Variants in FGFR1OP2 observed in about 807,000 individuals in gnomAD.
The protein encoded by FGFR1OP2 is fibroblast growth factor receptor 1 oncogene partner 2.
A neutral mutation model predicts 35.2 loss-of-function variants in FGFR1OP2; 17 were observed. The ratio of observed to expected loss-of-function variants is 0.48; its 90% confidence interval spans 0.33 to 0.73. FGFR1OP2 has a LOEUF of 0.73. Ranked by LOEUF, FGFR1OP2 falls within the 30% of genes least tolerant of loss-of-function variation. The pLI, the probability that FGFR1OP2 is intolerant of heterozygous loss-of-function variation, is 0.02. For missense variants in FGFR1OP2, 251 were observed against 307.3 expected (o/e 0.82, Z 1.37); for synonymous variants, 105 against 104.6 (o/e 1.00, Z -0.03).
intron 1 of FGFR1OP2, among the ~76,000 whole-genome samples, chr12:26,941,395 T>G (rs1030697198): frequency 1.3e-5 from 2 of 152,216 alleles, no homozygotes; most frequent in Admixed American, 1.3e-4. Context: ...TTTTAAACTT[T>G]TGTGTGTGTG....
chr12:26,953,018 T>A (rs1344438896), intron 1 of FGFR1OP2, among the ~76,000 whole-genome samples: 1 of 152,068 alleles, frequency 6.6e-6, no homozygotes, highest in Non-Finnish European at 1.5e-5. Flanking sequence ...ATCCCAGCGC[T>A]TTGGGAGGCC....
At chr12:26,951,349 A>G (rs1938926049) in intron 1 of FGFR1OP2, among the ~76,000 whole-genome samples, 1 of 151,120 alleles carries the variant, frequency 6.6e-6, no homozygotes, top group South Asian at 2.1e-4. Context: ...AGTTATTGAG[A>G]CAGCCTGTTG....
intron 1 of FGFR1OP2, among the ~76,000 whole-genome samples, chr12:26,946,877 T>C (rs923933417): frequency 6.6e-5 from 10 of 152,228 alleles, no homozygotes; most frequent in African/African-American, 2.2e-4. Flanking sequence ...TAATCTACTT[T>C]CAGCCTCTGT....
rs1332487966 is a variant in FGFR1OP2, at chr12:26,960,591, A to G, written c.473A>G (p.His158Arg). ...CGACACATCCTTGAAGCACCTCAAC[A>G]TGGACTGGAGAGAAGGCACTTGGAA... ...ASRHILEAPQ[H>R]GLERRHLEAN... Residue 158 changes from histidine to arginine, a missense_variant, in exon 5 of 7, where the codon CAT becomes CGT. Transcript: ENST00000229395. 1.2e-6 allele frequency: 2 copies of G among 1,613,506 alleles called. No homozygotes were observed. The highest frequency in any genetic ancestry group is 1.7e-5 in the Admixed American group (1 of 59,994).
chr12:26,956,777 A>G, intron 3 of FGFR1OP2, 117 bp downstream of exon 3: 1 of 450,356 alleles, frequency 2.2e-6, no homozygotes, highest in Non-Finnish European at 4.0e-6. Context: ...ATCCTCTTAG[A>G]TTCTCACCCT....
intron 1 of FGFR1OP2, among the ~76,000 whole-genome samples, chr12:26,945,599 G>T (rs1024043017): frequency 2.6e-5 from 4 of 152,220 alleles, no homozygotes; most frequent in Non-Finnish European, 5.9e-5. Flanking sequence ...GGTGGCTCAC[G>T]CCTGTAATAC....
Position 26,965,743 on chromosome 12 carries a change from A to AT in FGFR1OP2, c.*1015dup, listed in dbSNP as rs2136363715. 1 of 151,814 alleles carries AT rather than the reference A, an allele frequency of 6.6e-6. No homozygotes were observed. The highest frequency in any genetic ancestry group is 2.4e-5 in the African/African-American group (1 of 41,434). The allele number at this position is 151,814 out of a possible 1,614,324, so 9.4% of individuals were successfully genotyped here. The stretch of plus-strand genomic sequence containing the variant: ...CCATCTGGTCCTCATAACCTGCAAG[A>AT]TTTTTCTTAAAACCTTTCAGCTGAA... On this transcript the variant is annotated 3_prime_UTR_variant, in exon 7 of 7. Transcript: ENST00000229395.
At chr12:26,950,210 G>GTTGTTTTT (rs1938898342) in intron 1 of FGFR1OP2, among the ~76,000 whole-genome samples, 2 of 29,744 alleles carry the variant, frequency 6.7e-5, no homozygotes, top group African/African-American at 3.6e-4. Flanking sequence ...TAATGTATTC[G>GTTGTTTTT]TTGTTTTTTT....
At chr12:26,944,565 C>G (rs1031981002) in intron 1 of FGFR1OP2, among the ~76,000 whole-genome samples, 1 of 152,034 alleles carries the variant, frequency 6.6e-6, no homozygotes, top group African/African-American at 2.4e-5. Flanking sequence ...GGATAAACTC[C>G]CATTGGTCAG....
At chr12:26,960,016 A>T (rs537959740) in intron 4 of FGFR1OP2, among the ~76,000 whole-genome samples, 90 of 152,186 alleles carry the variant, frequency 5.9e-4, no homozygotes, top group Admixed American at 2.4e-3. Flanking sequence ...GGTAACAAGG[A>T]AGGGAAGAAA....
chr12:26,945,876 A>AAAAGC (rs1828362661), intron 1 of FGFR1OP2, among the ~76,000 whole-genome samples: 1 of 152,114 alleles, frequency 6.6e-6, no homozygotes, highest in African/African-American at 2.4e-5. Flanking sequence ...AAAAAAAAAA[A>AAAAGC]AAAGCATAAT....
intron 2 of FGFR1OP2, among the ~76,000 whole-genome samples, chr12:26,955,150 C>G (rs1424016984): frequency 6.6e-6 from 1 of 152,132 alleles, no homozygotes; most frequent in Non-Finnish European, 1.5e-5. Context: ...GAACATATAT[C>G]TGGTATTGAG....
chr12:26,957,609 A>G lies in FGFR1OP2; in HGVS notation c.262A>G (p.Thr88Ala), dbSNP rs1319245334. ...AATATTATTCTTGATAGAATTACGT[A>G]CATCTCTGGAAGAACATCAGTCGGC... ...ELQQENKELRTSLEEHQSALE... is the reference protein window; with the variant it reads ...ELQQENKELRASLEEHQSALE... The change falls in exon 4 of 7, where the codon ACA becomes GCA. Residue 88 changes from threonine to alanine, a missense_variant. Physicochemically the swap from Thr to Ala is moderately conservative, Grantham distance 58. Coordinates refer to ENST00000229395, the MANE Select transcript of FGFR1OP2 (RefSeq NM_015633.3). 4 of 1,611,774 alleles carry G rather than the reference A, an allele frequency of 2.5e-6. No homozygotes were observed. In the East Asian group the frequency reaches 8.9e-5, roughly 36 times the overall value.
chr12:26,948,842 G>A (rs967544299), intron 1 of FGFR1OP2, among the ~76,000 whole-genome samples: 1 of 152,052 alleles, frequency 6.6e-6, no homozygotes, highest in African/African-American at 2.4e-5. Context: ...TTCGGTAGGG[G>A]ACTCTTCTAA....
At chr12:26,954,785 T>G (rs530383895) in intron 2 of FGFR1OP2, among the ~76,000 whole-genome samples, 1 of 152,334 alleles carries the variant, frequency 6.6e-6, no homozygotes, top group African/African-American at 2.4e-5. Flanking sequence ...TGCTACCAAT[T>G]AAAGAATACA....
At chr12:26,964,094 C>A (rs183176427) in intron 6 of FGFR1OP2, among the ~76,000 whole-genome samples, 32 of 152,180 alleles carry the variant, frequency 2.1e-4, no homozygotes, top group African/African-American at 7.5e-4. Flanking sequence ...AGTTATTTAC[C>A]AGTGCCAGAT....
chr12:26,960,627 A>G lies in FGFR1OP2; in HGVS notation c.509A>G (p.Asn170Ser). The change falls in exon 5 of 7, where the codon AAT (asparagine) becomes AGT (serine). Residue 170 changes from asparagine to serine, a missense_variant and splice_region_variant. Asn to Ser is a conservative substitution (Grantham distance 46). Transcript: ENST00000229395. The part of the protein sequence containing the change: ...LERRHLEANQ[N>S]ELQAHVDQIT... ...AGAAGGCACTTGGAAGCAAATCAGA[A>G]TGTACACTAAATAAACAGTCAACTT... 1.2e-6 allele frequency: 2 copies of G among 1,612,352 alleles called. No individual in the cohort carries two copies. Among genetic ancestry groups the G allele is most frequent in the South Asian group, 2.2e-5 (2 of 91,044 alleles).
At chr12:26,958,448 C>G (rs1017757974) in intron 4 of FGFR1OP2, among the ~76,000 whole-genome samples, 1 of 151,930 alleles carries the variant, frequency 6.6e-6, no homozygotes, top group Non-Finnish European at 1.5e-5. Flanking sequence ...TAATGGAAAC[C>G]TTTTTTAAAA....
rs1939155037 is a variant in FGFR1OP2 at position 26,964,948 on chromosome 12, A to AACC, written c.*216_*217insCCA. On this transcript the variant is annotated 3_prime_UTR_variant, in exon 7 of 7. Transcript: ENST00000229395. ...GAAACTGAGCCATTGCCAAATGGTA[A>AACC]AGAAATGAAAAGTTTTCACAGTGAC... 2 of 444,164 alleles carry AACC rather than the reference A, an allele frequency of 4.5e-6. No individual in the cohort carries two copies. Among genetic ancestry groups the AACC allele is most frequent in the Admixed American group, 7.2e-5 (2 of 27,648 alleles). 27.5% of individuals were successfully genotyped at this position (444,164 alleles called of 1,614,324 possible).
Sources: gnomAD v4.1 joint callset for allele counts (sites outside exome capture counted in the v4.1 genomes callset) on GRCh38, gnomAD v4.1.1 for gene constraint, MANE v1.5 for transcripts, NCBI Gene and HGNC (gene_info 2026-07-23, HGNC 2026-07-21) for gene names.